The following OFD1 variants were observed in gnomAD, a reference collection of about 807,000 sequenced individuals.
The protein encoded by OFD1 is centriole and centriolar satellite protein OFD1.
In OFD1, 12 loss-of-function variants were observed where a neutral mutation model predicts 81.4. That is an observed-to-expected ratio of 0.15 (90% confidence interval 0.09 to 0.24). OFD1 has a LOEUF of 0.24. OFD1 is among the 10% of genes least tolerant of loss of function. The pLI is 1.00. For synonymous variants in OFD1, 256 were observed against 263.7 expected, an observed-to-expected ratio of 0.97 and a Z score of 0.28; for missense variants, 685 against 733.9, an observed-to-expected ratio of 0.93 and a Z score of 0.77.
chrX:13,744,549 T>C (rs746128533), intron 6 of OFD1, 30 bp downstream of exon 6: 1 of 871,404 alleles, frequency 1.1e-6, no homozygotes, highest in Non-Finnish European at 1.7e-6. Flanking sequence ...TTAATTTCAG[T>C]TCTGCTGTTT....
downstream of OFD1, chrX:13,772,729 T>G: frequency 7.1e-6 from 3 of 421,848 alleles, no homozygotes; most frequent in Non-Finnish European, 1.2e-5. Context: ...CTGGAAGGTT[T>G]TCCTAGAGAT....
chrX:13,764,828 A>G (rs925691991), intron 19 of OFD1, among the ~76,000 whole-genome samples: 1 of 111,648 alleles, frequency 9.0e-6, no homozygotes, highest in African/African-American at 3.3e-5. Flanking sequence ...TCTGCTGGGC[A>G]CTTTGCTCAG....
In OFD1 at chrX:13,768,049, T is replaced by C; in HGVS notation, c.2758-5T>C. 2 of 1,179,331 alleles carry C rather than the reference T, an allele frequency of 1.7e-6. No homozygotes were observed. Among genetic ancestry groups the C allele is most frequent in the Non-Finnish European group, 2.3e-6 (2 of 866,076 alleles). On this transcript the variant is annotated splice_polypyrimidine_tract_variant and splice_region_variant and intron_variant, in intron 20 of 22. Transcript: ENST00000340096. ...GTATTTTCTGTTTTGGTGCCTGTTT[T>C]ATAGAAGATGATTGAAGAATCACTG...
At chrX:13,715,688 C>A in the OFD1 span, 1 of 454,808 alleles carries the variant, frequency 2.2e-6, no homozygotes, top group Non-Finnish European at 2.8e-6. Context: ...AGTAATTTTC[C>A]CTTATATAGG....
At chrX:13,738,807 A>G (rs1294706041) in intron 3 of OFD1, 39 bp from the exon 4 acceptor site, 11 of 811,672 alleles carry the variant, frequency 1.4e-5, no homozygotes, top group African/African-American at 2.0e-5. Context: ...AAACACTGAT[A>G]TAAAAATATG....
At chrX:13,771,667 A>G (rs1357356522), downstream of OFD1, 1 of 112,184 alleles carries the variant, frequency 8.9e-6, no homozygotes, top group Non-Finnish European at 1.9e-5. Flanking sequence ...TTTCATAAAG[A>G]GCAACACAAA....
intron 7 of OFD1, 119 bp from the exon 8 acceptor site, chrX:13,746,661 C>A: frequency 1.5e-6 from 1 of 682,858 alleles, no homozygotes; most frequent in Non-Finnish European, 2.2e-6. Context: ...ATAAAACTAA[C>A]ATGAAATAAA....
upstream of OFD1, among the ~76,000 whole-genome samples, chrX:13,731,293 A>T (rs1178145154): frequency 1.8e-5 from 2 of 112,175 alleles, no homozygotes; most frequent in Non-Finnish European, 3.8e-5. Flanking sequence ...ATTCAGAGCG[A>T]CTAGAACACC....
At chrX:13,736,143 C>T (rs2046854949) in intron 2 of OFD1, 1 of 858,194 alleles carries the variant, frequency 1.2e-6, no homozygotes, top group Middle Eastern at 5.8e-4. Context: ...GAATTTTTTC[C>T]TATACTTAAT....
chrX:13,739,280 G>A (rs1260676473), intron 5 of OFD1: 5 of 202,903 alleles, frequency 2.5e-5, no homozygotes, highest in Non-Finnish European at 4.2e-5. Flanking sequence ...AATACCCACT[G>A]TTGGGAATAT....
In OFD1 at chrX:13,740,236, C is replaced by T. The variant is rs925777052; in HGVS notation, c.412+1204C>T. On this transcript the variant is annotated intron_variant, in intron 5 of 22. Transcript: ENST00000340096. ...ATGGTAAATGATCCTATATTCTGTA[C>T]TCTAAGTGTCGTCCAGTGTGACTCT... 10 of 825,878 alleles carry T rather than the reference C, an allele frequency of 1.2e-5. No homozygotes were observed. In the African/African-American group the frequency reaches 1.9e-4, roughly 16 times the overall value. The allele number at this position is 825,878 out of a possible 1,213,427, so 68.1% of individuals were successfully genotyped here. A position where few individuals can be genotyped will look rare whatever the true frequency, so the allele number is the denominator to read the frequency against.
rs753704611 is a variant in OFD1, at chrX:13,760,172, A to G, written c.1712A>G (p.Asn571Ser). 2.4e-5 allele frequency: 29 copies of G among 1,210,180 alleles called. No individual in the cohort carries two copies. The highest frequency in any genetic ancestry group is 1.6e-4 in the African/African-American group (9 of 57,280). ...CAGTCTGTGATCGATCGTTCTGTCA[A>G]TGGATTAATAAATGGCAATGTGGTG... ...PKQSVIDRSV[N>S]GLINGNVVPC... The change falls in exon 16 of 23, where the codon AAT becomes AGT. Residue 571 changes from asparagine (N) to serine (S), a missense_variant. This residue lies in a region of OFD1 where 414 missense variants were observed against 447.2 expected (regional missense o/e 0.93). Coordinates refer to ENST00000340096, the MANE Select transcript of OFD1 (RefSeq NM_003611.3).
intron 13 of OFD1, 83 bp downstream of exon 13, chrX:13,756,850 T>C (rs2047729246): frequency 2.6e-6 from 2 of 756,880 alleles, no homozygotes; most frequent in Admixed American, 2.3e-5. Context: ...TTTGTACTTG[T>C]ATAAGGTAGG....
At chrX:13,714,932 T>C in the OFD1 span, among the ~76,000 whole-genome samples, 2 of 112,520 alleles carry the variant, frequency 1.8e-5, no homozygotes, top group African/African-American at 6.5e-5. Context: ...TACTCTCCTT[T>C]AACACAAGAC....
chrX:13,726,475 T>C, the OFD1 span, among the ~76,000 whole-genome samples: 31 of 111,950 alleles, frequency 2.8e-4, no homozygotes, highest in Middle Eastern at 0.019. Flanking sequence ...AAAAGAATTT[T>C]CAACCCAGAA....
chrX:13,743,779 T>A (rs946399715), intron 5 of OFD1, among the ~76,000 whole-genome samples: 2 of 111,068 alleles, frequency 1.8e-5, no homozygotes, highest in Non-Finnish European at 3.8e-5. Flanking sequence ...TTTTTTTTTT[T>A]AAACTGATTT....
chrX:13,770,733 A>G (rs985965074), downstream of OFD1, among the ~76,000 whole-genome samples: 2 of 112,398 alleles, frequency 1.8e-5, no homozygotes, highest in Non-Finnish European at 3.8e-5. Context: ...CAGACGTGCT[A>G]GTGGCACTTT....
chrX:13,731,628 T>C (rs2046679782), upstream of OFD1, among the ~76,000 whole-genome samples: 1 of 111,656 alleles, frequency 9.0e-6, no homozygotes, highest in Admixed American at 9.5e-5. Context: ...TTCACTATGG[T>C]ATACCTAGAG....
chrX:13,754,430 T>TTTG (rs1434445156), intron 11 of OFD1, among the ~76,000 whole-genome samples: 1 of 107,823 alleles, frequency 9.3e-6, no homozygotes, highest in Non-Finnish European at 1.9e-5. Context: ...TTTTTTTTTT[T>TTTG]TTAAGAGACG....
Sources: allele counts gnomAD v4.1 joint callset (sites outside exome capture counted in the v4.1 genomes callset), GRCh38; gene constraint gnomAD v4.1.1; regional missense constraint gnomAD v4.1.1; transcripts MANE v1.5; gene names NCBI Gene and HGNC (gene_info 2026-07-23, HGNC 2026-07-21).